The following KY variants were observed in gnomAD, a reference collection of about 807,000 sequenced individuals.
The protein encoded by KY is kyphoscoliosis peptidase.
KY carries 43 observed loss-of-function variants against 76.1 expected under a neutral mutation model. That is an observed-to-expected ratio of 0.57 (90% CI 0.44 to 0.73). The LOEUF is 0.73. Among genes scored for constraint, KY ranks in the 30% least tolerant of loss-of-function variants. KY has a pLI of 0.00. For synonymous variants in KY, 277 were observed against 326.2 expected, an observed-to-expected ratio of 0.85 and a Z score of 1.63; for missense variants, 722 against 828.9, an observed-to-expected ratio of 0.87 and a Z score of 1.58.
At chr3:134,606,864 C>T (rs925336445) in intron 10 of KY, 10 of 942,170 alleles carry the variant, frequency 1.1e-5, no homozygotes, top group Non-Finnish European at 1.3e-5. Flanking sequence ...TAGAGCCTGG[C>T]AGCTTTCCAG....
chr3:134,649,633 C>G (rs1289195087), intron 1 of KY, among the ~76,000 whole-genome samples: 1 of 152,220 alleles, frequency 6.6e-6, no homozygotes, highest in Non-Finnish European at 1.5e-5. Flanking sequence ...CTGCTTCAGT[C>G]AGGAATCAGC....
intron 8 of KY, 47 bp from the exon 9 acceptor site, chr3:134,610,430 G>C: frequency 1.3e-6 from 2 of 1,544,068 alleles, no homozygotes; most frequent in Admixed American, 3.6e-5. Context: ...GCTGTGGCTT[G>C]CCTCCAAGTC....
rs1959044263 is a variant in KY, at chr3:134,603,184, A to T, written c.*395T>A. ...GCAAATCATGTCCCCTTGGGCATGG[A>T]AGAGAATTCTCTAAGCATCATGTGA... is the stretch of plus-strand genomic sequence containing the variant. On this transcript the variant is annotated 3_prime_UTR_variant, in exon 11 of 11. Transcript: ENST00000423778. 6.1e-6 allele frequency: 1 copy of T among 163,028 alleles called. No homozygotes were observed. Among genetic ancestry groups the T allele is most frequent in the African/African-American group, 2.4e-5 (1 of 41,836 alleles). The allele number at this position is 163,028 out of a possible 1,614,324, so 10.1% of individuals were successfully genotyped here. A position where few individuals can be genotyped will look rare whatever the true frequency, so the allele number is the denominator to read the frequency against.
At chr3:134,628,170 C>G (rs1236110868) in intron 4 of KY, 1 of 282,962 alleles carries the variant, frequency 3.5e-6, no homozygotes, top group Non-Finnish European at 6.8e-6. Context: ...CTTGAATCCA[C>G]TGCCAGATAA....
chr3:134,604,147 A>T lies in KY; in HGVS notation c.1418T>A (p.Ile473Asn). The T allele has an allele frequency of 1.2e-6, 2 of 1,608,260 alleles. No homozygotes were observed. The highest frequency in any genetic ancestry group is 1.7e-4 in the Middle Eastern group (1 of 5,878). ...GGAGCAGCGCCCGTCGCTGGTGTGG[A>T]TGATAGGGTCAGGGTGGGAGGGCTT... ...IMKPSHPDPI[I>N]HTSDGRCSIS... The change falls in exon 11 of 11, where the codon ATC becomes AAC. Residue 473 changes from isoleucine to asparagine, a missense_variant. Around this residue, in one of 2 missense-constraint regions of KY, gnomAD observed 552 missense variants for 680.9 expected, o/e 0.81. Coordinates refer to ENST00000423778, the MANE Select transcript of KY (RefSeq NM_178554.6).
intron 4 of KY, chr3:134,628,128 T>C: frequency 2.6e-6 from 1 of 382,988 alleles, no homozygotes; most frequent in South Asian, 3.8e-5. Flanking sequence ...TGGAACCTGG[T>C]GTTCCTGCCC....
chr3:134,650,057 C>T (rs956579126), intron 1 of KY, among the ~76,000 whole-genome samples: 5 of 152,210 alleles, frequency 3.3e-5, no homozygotes, highest in Admixed American at 2.6e-4. Context: ...GCTTATTTAA[C>T]CTCCATTATC....
At chr3:134,647,553 C>T (rs970896583) in intron 1 of KY, 56 bp from the exon 2 acceptor site, 5 of 1,083,076 alleles carry the variant, frequency 4.6e-6, no homozygotes, top group East Asian at 4.8e-5. Context: ...GAGTGATGTA[C>T]CAGTTGCAGA....
At chr3:134,606,220 C>G (rs1006416008) in intron 10 of KY, among the ~76,000 whole-genome samples, 7 of 152,134 alleles carry the variant, frequency 4.6e-5, no homozygotes, top group Non-Finnish European at 7.4e-5. Context: ...TGAGATTCAC[C>G]TTTGATTGTG....
Position 134,627,830 on chromosome 3 carries a change from C to A in KY, c.338-12G>T, listed in dbSNP as rs758149145. On this transcript the variant is annotated splice_polypyrimidine_tract_variant and intron_variant, in intron 4 of 10. Coordinates refer to ENST00000423778, the MANE Select transcript of KY (RefSeq NM_178554.6). ...ATCACCTTGTAAACCTACAATATTC[C>A]AAAGATCAGAAGTATAGATACTTCA... 2 of 1,607,420 alleles carry A rather than the reference C, an allele frequency of 1.2e-6. No individual in the cohort carries two copies. The highest frequency in any genetic ancestry group is 1.7e-6 in the Non-Finnish European group (2 of 1,173,970).
At chr3:134,611,584 T>C (rs2107780079) in intron 8 of KY, among the ~76,000 whole-genome samples, 1 of 152,380 alleles carries the variant, frequency 6.6e-6, no homozygotes, top group South Asian at 2.1e-4. Flanking sequence ...GTGTAATAGA[T>C]ACACAACCTG....
At chr3:134,643,858 G>A (rs1044951610) in intron 2 of KY, among the ~76,000 whole-genome samples, 8 of 139,742 alleles carry the variant, frequency 5.7e-5, no homozygotes, top group African/African-American at 7.9e-5. Flanking sequence ...ACGGAGTCTC[G>A]CTCTGTCACC....
chr3:134,619,644 G>A (rs1478954803), intron 7 of KY, among the ~76,000 whole-genome samples: 2 of 152,210 alleles, frequency 1.3e-5, no homozygotes, highest in African/African-American at 4.8e-5. Context: ...GACCCATGGG[G>A]CACACAGAGC....
intron 3 of KY, among the ~76,000 whole-genome samples, chr3:134,634,954 G>A (rs970788982): frequency 6.6e-6 from 1 of 152,242 alleles, no homozygotes. Context: ...TAGTGGGATT[G>A]TAAAATAGAA....
chr3:134,645,148 A>G (rs1966282935), intron 2 of KY, among the ~76,000 whole-genome samples: 1 of 152,228 alleles, frequency 6.6e-6, no homozygotes, highest in Non-Finnish European at 1.5e-5. Flanking sequence ...GCTACTAGGC[A>G]GACTTTGTCC....
chr3:134,604,277 C>T lies in KY; in HGVS notation c.1288G>A (p.Glu430Lys). 1 of 1,613,980 alleles carries T rather than the reference C, an allele frequency of 6.2e-7. No homozygotes were observed. The highest frequency in any genetic ancestry group is 8.5e-7 in the Non-Finnish European group (1 of 1,179,894). ...ACATAATTGCACTTGAGCGTGTACT[C>T]CAGCACTGAGCTGTAGATGTCGGAG... Reference protein sequence around the residue: ...GNSDIYSSVLEYTLKCNYVDM... With the variant: ...GNSDIYSSVLKYTLKCNYVDM... Residue 430 changes from glutamate (E) to lysine (K), a missense_variant, in exon 11 of 11, where the codon GAG becomes AAG. Transcript: ENST00000423778.
chr3:134,625,894 A>G (rs1387280291), intron 5 of KY, among the ~76,000 whole-genome samples: 1 of 152,260 alleles, frequency 6.6e-6, no homozygotes, highest in Non-Finnish European at 1.5e-5. Context: ...GGAAGGAGAG[A>G]AAACTAGAGA....
rs1319576363 is a variant in KY at position 134,603,441 on chromosome 3, G to A, written c.*138C>T. The A allele has an allele frequency of 1.4e-6, 1 of 734,058 alleles. No individual in the cohort carries two copies. The highest frequency in any genetic ancestry group is 2.7e-5 in the Admixed American group (1 of 37,396). 45.5% of individuals were successfully genotyped at this position (734,058 alleles called of 1,614,324 possible). On this transcript the variant is annotated 3_prime_UTR_variant, in exon 11 of 11. Coordinates refer to ENST00000423778, the MANE Select transcript of KY (RefSeq NM_178554.6). ...CAAAGATCACAGCTCCTGTGGCAGA[G>A]GTGGGACACTGAGGCAGAGGCCTAG...
rs1303528391 is a variant in KY, at chr3:134,601,385, A to G, written c.*2194T>C. Among the ~76,000 whole-genome samples, 1 of 152,118 alleles carries G rather than the reference A, an allele frequency of 6.6e-6. No homozygotes were observed. The highest frequency in any genetic ancestry group is 1.5e-5 in the Non-Finnish European group (1 of 68,022). ...GCTCCAGGATGTATTGATTAATTAT[A>G]TTGCATATCGAAAAGGTATGGGGGT... On this transcript the variant is annotated 3_prime_UTR_variant, in exon 11 of 11. Coordinates refer to ENST00000423778, the MANE Select transcript of KY (RefSeq NM_178554.6).
Sources: gnomAD v4.1 joint callset for allele counts (sites outside exome capture counted in the v4.1 genomes callset) on GRCh38, gnomAD v4.1.1 for gene constraint, gnomAD v4.1.1 regional missense constraint, MANE v1.5 for transcripts, NCBI Gene and HGNC (gene_info 2026-07-23, HGNC 2026-07-21) for gene names.